AKR1C2: variants seen among roughly 807,000 people sequenced by gnomAD.
The protein encoded by AKR1C2 is 3-alpha-HSD3.
Under a neutral mutation model 39.8 loss-of-function variants are expected in AKR1C2, and 27 were observed. The observed-to-expected ratio is 0.68, with a 90% CI of 0.50 to 0.93. The LOEUF is 0.93. AKR1C2 is among the 40% of genes least tolerant of loss of function. The probability of loss-of-function intolerance (pLI) is 0.00; values close to 1 mark genes in which losing one functional copy is unlikely to be tolerated. For synonymous variants in AKR1C2, 114 were observed against 137.9 expected (o/e 0.83, Z 1.22); for missense variants, 263 against 365.1 (o/e 0.72, Z 2.28).
chr10:4,994,711 G>C (rs1836971375), intron 7 of AKR1C2, among the ~76,000 whole-genome samples: 2 of 150,608 alleles, frequency 1.3e-5, no homozygotes, highest in South Asian at 4.3e-4. Context: ...GCCCAGCCAG[G>C]AACAGAAGGA....
rs1554773740 is a variant in AKR1C2, at chr10:5,000,621, C to T, written c.298G>A (p.Glu100Lys). The T allele has an allele frequency of 1.9e-6, 3 of 1,614,006 alleles. No individual in the cohort carries two copies. Among genetic ancestry groups the T allele is most frequent in the Non-Finnish European group, 2.5e-6 (3 of 1,179,920 alleles). The change falls in exon 3 of 9, where the codon GAA (glutamate) becomes AAA (lysine). Residue 100 changes from glutamate (E) to lysine (K), a missense_variant. Physicochemically the swap from Glu to Lys is moderately conservative, Grantham distance 56. Around this residue, in one of 3 missense-constraint regions of AKR1C2, gnomAD observed 247 missense variants for 267.9 expected, o/e 0.92. Coordinates refer to ENST00000380753, the MANE Select transcript of AKR1C2 (RefSeq NM_001393392.1). The stretch of plus-strand genomic sequence containing the variant: ...AATTGAAGATTTTTCAGTGACCTTT[C>T]CAAGGCTGGTCGGACCAACTCTGGT... The part of the protein sequence containing the change: ...HRPELVRPAL[E>K]RSLKNLQLDY...
chr10:5,000,662 C>T lies in AKR1C2; in HGVS notation c.257G>A (p.Trp86Ter). ...CAACTCTGGTCGATGGGAATTGCTC[C>T]AAAGCTGCAGAGGTTAGAGAAACGA... ...REDIFYTSKLWSNSHRPELVR... is the reference protein window; with the variant it reads ...REDIFYTSKL Residue 86 changes from tryptophan to a stop codon, truncating the protein, a stop_gained, in exon 3 of 9, where the codon TGG (tryptophan) becomes TAG (stop). Coordinates refer to ENST00000380753, the MANE Select transcript of AKR1C2 (RefSeq NM_001393392.1). LOFTEE classifies it high-confidence loss of function. The T allele has an allele frequency of 6.2e-7, 1 of 1,613,098 alleles. No homozygotes were observed. The highest frequency in any genetic ancestry group is 8.5e-7 in the Non-Finnish European group (1 of 1,179,616).
At chr10:4,990,283 T>A (rs1836788966) in intron 8 of AKR1C2, among the ~76,000 whole-genome samples, 1 of 152,230 alleles carries the variant, frequency 6.6e-6, no homozygotes, top group East Asian at 1.9e-4. Context: ...CAAAGTGAAA[T>A]GTTCAAACAT....
chr10:5,014,899 T>C (rs1837606916), intron 1 of AKR1C2: 1 of 152,252 alleles, frequency 6.6e-6, no homozygotes, highest in Non-Finnish European at 1.5e-5. Context: ...ATTGGTTCTC[T>C]TACCTTTGGA....
chr10:5,004,041 A>G (rs567810362), upstream of AKR1C2: 8 of 519,154 alleles, frequency 1.5e-5, no homozygotes, highest in Admixed American at 2.6e-4. Flanking sequence ...GTAAATTATT[A>G]TGTGGTCATG....
rs1198007061 is a variant in AKR1C2, at chr10:5,000,059, T to A, written c.369+491A>T. 4.6e-6 allele frequency: 5 copies of A among 1,082,174 alleles called. No individual in the cohort carries two copies. The African/African-American group carries it at 6.6e-5, about 14-fold the overall frequency. The allele number at this position is 1,082,174 out of a possible 1,614,324, so 67.0% of individuals were successfully genotyped here. ...CTAAGCAAAAATAAAACCTCCAGTG[T>A]GAAAAGAGAGGAAGCAGAAGCAACA... On this transcript the variant is annotated intron_variant, in intron 3 of 8. Transcript: ENST00000380753.
Position 5,016,475 on chromosome 10 carries a change from A to G in AKR1C2, c.-88+1425T>C, listed in dbSNP as rs111295354. On this transcript the variant is annotated intron_variant, in intron 1 of 6. Transcript: ENST00000604507. ...ATTTCAAAGCTCCGAAATAATCTCT[A>G]TTGACTCCATGTCTCATATCAAGGC... Among the ~76,000 whole-genome samples the G allele has an allele frequency of 2.9e-3, 448 of 152,310 alleles. 9 individuals are homozygous for G. Among genetic ancestry groups the G allele is most frequent in the African/African-American group, 9.6e-3 (398 of 41,580 alleles).
chr10:5,010,533 G>A (rs1837498096), intron 1 of AKR1C2: 1 of 152,136 alleles, frequency 6.6e-6, no homozygotes, highest in Admixed American at 6.5e-5. Context: ...GCCACTTGAA[G>A]AAGAGGGGCT....
At chr10:5,005,283 C>A (rs1427314307), upstream of AKR1C2, among the ~76,000 whole-genome samples, 1 of 152,208 alleles carries the variant, frequency 6.6e-6, no homozygotes, top group Admixed American at 6.5e-5. Flanking sequence ...GATGCCTTGA[C>A]TGAGAACCTG....
At position 4,989,479 on chromosome 10, in the gene AKR1C2, C is replaced by T. The variant is rs1554771879; in HGVS notation, c.*517G>A. The T allele has an allele frequency of 1.3e-5, 2 of 151,134 alleles. No homozygotes were observed. The highest frequency in any genetic ancestry group is 2.9e-5 in the Non-Finnish European group (2 of 68,098). The allele number at this position is 151,134 out of a possible 1,614,324, so 9.4% of individuals were successfully genotyped here. A position where few individuals can be genotyped will look rare whatever the true frequency, so the allele number is the denominator to read the frequency against. On this transcript the variant is annotated 3_prime_UTR_variant, in exon 9 of 9. Transcript: ENST00000380753. Reference sequence around the variant, plus strand: ...GCCTCCTCCCAAGGCTCCAGAAACTCTGACCCTCGCACTGCTGGAGGGAGC... The same window carrying T: ...GCCTCCTCCCAAGGCTCCAGAAACTTTGACCCTCGCACTGCTGGAGGGAGC...
At chr10:4,996,625 G>C (rs1253735779) in intron 5 of AKR1C2, among the ~76,000 whole-genome samples, 1 of 150,086 alleles carries the variant, frequency 6.7e-6, no homozygotes, top group Non-Finnish European at 1.5e-5. Context: ...ACAAGAATCC[G>C]TGAGTCTGTA....
Position 5,001,562 on chromosome 10 carries a change from C to T in AKR1C2, c.204G>A (p.Lys68=), listed in dbSNP as rs782708349. Residue 68 remains lysine, a synonymous_variant, in exon 2 of 9, where the codon AAG becomes AAA. Coordinates refer to ENST00000380753, the MANE Select transcript of AKR1C2 (RefSeq NM_001393392.1). ...CTCTCTTCACACTGCCATCTGCAAT[C>T]TTGCTTCGGATGGCCAGTCCAACCT... ...EEQVGLAIRS[K]IADGSVKRED... is the part of the protein sequence containing the mutation. 9 of 1,614,020 alleles carry T rather than the reference C, an allele frequency of 5.6e-6. No individual in the cohort carries two copies. The highest frequency in any genetic ancestry group is 1.3e-5 in the African/African-American group (1 of 75,028).
At chr10:4,990,239 A>G (rs1436506739) in intron 8 of AKR1C2, among the ~76,000 whole-genome samples, 6 of 152,214 alleles carry the variant, frequency 3.9e-5, no homozygotes, top group Non-Finnish European at 7.3e-5. Flanking sequence ...ATTTAATTCT[A>G]TTCCCCTGCC....
Position 4,990,030 on chromosome 10 carries a change from C to A in AKR1C2, c.938G>T (p.Gly313Val), listed in dbSNP as rs187772495. The A allele has an allele frequency of 6.2e-7, 1 of 1,601,252 alleles. No homozygotes were observed. The highest frequency in any genetic ancestry group is 1.8e-5 in the Admixed American group (1 of 56,622). ...ATCAGAAAATGGATAATTAGGGGGG[C>A]CAGCAAAACTGGAAAGAGAAAAAAA... ...VRYLTLDIFAGPPNYPFSDEY is the reference protein window; with the variant it reads ...VRYLTLDIFAVPPNYPFSDEY Residue 313 changes from glycine to valine, a missense_variant, in exon 9 of 9, where the codon GGC becomes GTC. By Grantham distance (109) the Gly-to-Val change is moderately radical. Transcript: ENST00000380753.
At chr10:5,003,204 G>C (rs1211148631) in intron 1 of AKR1C2, among the ~76,000 whole-genome samples, 5 of 139,286 alleles carry the variant, frequency 3.6e-5, no homozygotes, top group African/African-American at 1.3e-4. Context: ...TTTGGTTCTA[G>C]TTTTTTTTTT....
chr10:5,016,417 T>C (rs1837640097), intron 1 of AKR1C2, among the ~76,000 whole-genome samples: 1 of 152,110 alleles, frequency 6.6e-6, no homozygotes, highest in Non-Finnish European at 1.5e-5. Context: ...ACAGGCCCCA[T>C]AAAAGTCCAA....
upstream of AKR1C2, among the ~76,000 whole-genome samples, chr10:5,008,722 C>T (rs1394746429): frequency 3.9e-5 from 6 of 152,240 alleles, no homozygotes; most frequent in Non-Finnish European, 7.3e-5. Flanking sequence ...ATAAAGAACA[C>T]TCATGTGCCT....
In AKR1C2 at chr10:5,000,647, C is replaced by T. The variant is rs187468986; in HGVS notation, c.272G>A (p.Arg91Gln). 52 of 1,613,756 alleles carry T rather than the reference C, an allele frequency of 3.2e-5. No homozygotes were observed. The African/African-American group carries it at 4.5e-4, about 14-fold the overall frequency. ...YTSKLWSNSH[R>Q]PELVRPALER... ...CAAGGCTGGTCGGACCAACTCTGGT[C>T]GATGGGAATTGCTCCAAAGCTGCAG... The change falls in exon 3 of 9, where the codon CGA (arginine) becomes CAA (glutamine). Residue 91 changes from arginine (R) to glutamine (Q), a missense_variant. By Grantham distance (43) the Arg-to-Gln change is conservative (BLOSUM62 1). Coordinates refer to ENST00000380753, the MANE Select transcript of AKR1C2 (RefSeq NM_001393392.1).
At chr10:5,000,225 G>A in intron 3 of AKR1C2, 1 of 1,437,720 alleles carries the variant, frequency 7.0e-7, no homozygotes, top group South Asian at 1.5e-5. Flanking sequence ...GAAACTCTGT[G>A]TCTGTGAACA....
Sources: allele counts gnomAD v4.1 joint callset (sites outside exome capture counted in the v4.1 genomes callset), GRCh38; gene constraint gnomAD v4.1.1; regional missense constraint gnomAD v4.1.1; transcripts MANE v1.5; gene names NCBI Gene and HGNC (gene_info 2026-07-23, HGNC 2026-07-21).